TMEM163: variants seen among roughly 807,000 people sequenced by gnomAD.
TMEM163 encodes transmembrane protein 163.
In TMEM163, 17 loss-of-function variants were observed where a neutral mutation model predicts 29.3. The observed-to-expected ratio is 0.58, with a 90% CI of 0.40 to 0.87. TMEM163 has a LOEUF of 0.87. TMEM163 is among the 40% of genes least tolerant of loss of function. The pLI, the probability that TMEM163 is intolerant of heterozygous loss-of-function variation, is 0.00. For missense variants in TMEM163, 303 were observed against 381.5 expected, an observed-to-expected ratio of 0.79 and a Z score of 1.71; for synonymous variants, 157 against 160.6, an observed-to-expected ratio of 0.98 and a Z score of 0.17.
Position 134,550,668 on chromosome 2 carries a change from G to A in TMEM163, c.367-7C>T, listed in dbSNP as rs1339153640. 2 of 1,613,902 alleles carry A rather than the reference G, an allele frequency of 1.2e-6. No homozygotes were observed. The highest frequency in any genetic ancestry group is 1.1e-5 in the South Asian group (1 of 91,084). On this transcript the variant is annotated splice_region_variant and splice_polypyrimidine_tract_variant and intron_variant, in intron 3 of 7. Transcript: ENST00000281924. ...CGTCCAGGATGGCATCAAACTAGGAGAAGGAGACATGGCATTAGAGGCTTT... is the reference window on the plus strand; with the variant it reads ...CGTCCAGGATGGCATCAAACTAGGAAAAGGAGACATGGCATTAGAGGCTTT...
At chr2:134,681,058 G>A (rs1684219857) in intron 2 of TMEM163, among the ~76,000 whole-genome samples, 1 of 152,206 alleles carries the variant, frequency 6.6e-6, no homozygotes, top group Non-Finnish European at 1.5e-5. Flanking sequence ...TCAACTGCCT[G>A]AGATTCTTGG....
At chr2:134,718,598 C>T (rs1403273313) in intron 1 of TMEM163, 136 bp downstream of exon 1, 1 of 589,014 alleles carries the variant, frequency 1.7e-6, no homozygotes, top group African/African-American at 2.0e-5. Flanking sequence ...TAGCGGCGTT[C>T]TCGCCGGGAA....
At chr2:134,489,611 A>G (rs1336242575) in intron 5 of TMEM163, among the ~76,000 whole-genome samples, 1 of 152,152 alleles carries the variant, frequency 6.6e-6, no homozygotes, top group African/African-American at 2.4e-5. Flanking sequence ...GTTATGTGCA[A>G]TATCCATCCA....
intron 2 of TMEM163, among the ~76,000 whole-genome samples, chr2:134,671,516 T>C (rs370117686): frequency 1.3e-5 from 2 of 152,208 alleles, no homozygotes; most frequent in African/African-American, 4.8e-5. Context: ...CCTCTGCACA[T>C]GGCTGCTGCT....
rs74555626 is a variant in TMEM163, at chr2:134,694,363, G to C, written c.322+18837C>G. Among the ~76,000 whole-genome samples, 109 of 152,250 alleles carry C rather than the reference G, an allele frequency of 7.2e-4. 2 individuals carry two copies. In the East Asian group the frequency reaches 0.015, roughly 21 times the overall value. On this transcript the variant is annotated intron_variant, in intron 2 of 7. Coordinates refer to ENST00000281924, the MANE Select transcript of TMEM163 (RefSeq NM_030923.5). Reference sequence around the variant, plus strand: ...AGAACTATTGGAATTGACCTAAAGAGGGTAACGAATCTCTAATGATGGCAT... The same window carrying C: ...AGAACTATTGGAATTGACCTAAAGACGGTAACGAATCTCTAATGATGGCAT...
chr2:134,510,352 T>C (rs1679919541), intron 4 of TMEM163, among the ~76,000 whole-genome samples: 2 of 152,086 alleles, frequency 1.3e-5, no homozygotes, highest in African/African-American at 2.4e-5. Context: ...GGGGAAACCT[T>C]TGTGGTGACA....
chr2:134,588,061 T>C (rs1681859769), intron 2 of TMEM163, among the ~76,000 whole-genome samples: 1 of 152,230 alleles, frequency 6.6e-6, no homozygotes. Flanking sequence ...AACATCTCCA[T>C]AAGCCAAAGT....
chr2:134,596,985 G>T (rs1682100751), intron 2 of TMEM163, among the ~76,000 whole-genome samples: 1 of 152,214 alleles, frequency 6.6e-6, no homozygotes, highest in South Asian at 2.1e-4. Flanking sequence ...CTTTGCTGAA[G>T]TTGCTTATCA....
intron 2 of TMEM163, among the ~76,000 whole-genome samples, chr2:134,552,769 C>A (rs1680962057): frequency 6.9e-6 from 1 of 144,420 alleles, no homozygotes; most frequent in African/African-American, 2.6e-5. Flanking sequence ...TCAAGTGATT[C>A]TCCTGCCTCA....
In TMEM163 at chr2:134,466,318, G is replaced by A. The variant is rs907488012; in HGVS notation, c.556-93C>T. On this transcript the variant is annotated intron_variant, in intron 5 of 7. Transcript: ENST00000281924. The stretch of plus-strand genomic sequence containing the variant: ...GCCTTACAGATCAGCCTTGTTCCAA[G>A]TACAAATAGTCAGGTGTGCTGCCAC... 2.2e-5 allele frequency: 23 copies of A among 1,027,708 alleles called. No homozygotes were observed. The East Asian group carries it at 2.6e-4, about 11-fold the overall frequency. 63.7% of individuals were successfully genotyped at this position (1,027,708 alleles called of 1,614,324 possible).
Position 134,493,362 on chromosome 2 carries a change from C to CTTTTTTTTTTTTTTTT in TMEM163, c.555+9523_555+9538dup, listed in dbSNP as rs1159013721. On this transcript the variant is annotated intron_variant, in intron 5 of 7. Transcript: ENST00000281924. Reference sequence around the variant, plus strand: ...GACTTATGGTTCAAGCTTTTGGTGTCTTTTTTTTTTTTTTTTTTTTTTTTT... The same window carrying CTTTTTTTTTTTTTTTT: ...GACTTATGGTTCAAGCTTTTGGTGTCTTTTTTTTTTTTTTTTTTTTTTTTTTTTTTTTTTTTTTTTT... 1.2e-4 allele frequency among the ~76,000 whole-genome samples: 6 copies of CTTTTTTTTTTTTTTTT among 49,826 alleles called. 3 individuals carry two copies. Among genetic ancestry groups the CTTTTTTTTTTTTTTTT allele is most frequent in the African/African-American group, 3.6e-4 (4 of 11,208 alleles). 32.7% of individuals were successfully genotyped at this position (49,826 alleles called of 152,430 possible). A position where few individuals can be genotyped will look rare whatever the true frequency, so the allele number is the denominator to read the frequency against.
At chr2:134,484,196 C>T (rs954007911) in intron 5 of TMEM163, among the ~76,000 whole-genome samples, 4 of 152,190 alleles carry the variant, frequency 2.6e-5, no homozygotes, top group African/African-American at 9.6e-5. Context: ...GGGTTCCAGT[C>T]AGGGTCTGAG....
intron 4 of TMEM163, among the ~76,000 whole-genome samples, chr2:134,549,481 G>A (rs922014031): frequency 1.3e-5 from 2 of 152,166 alleles, no homozygotes; most frequent in African/African-American, 4.8e-5. Context: ...CCGAGTAGGT[G>A]AGCTACAGGC....
chr2:134,588,650 T>C (rs1384106907), intron 2 of TMEM163, among the ~76,000 whole-genome samples: 3 of 152,064 alleles, frequency 2.0e-5, no homozygotes, highest in African/African-American at 7.2e-5. Context: ...AAAGAACAAA[T>C]GCTAGATGGG....
intron 2 of TMEM163, among the ~76,000 whole-genome samples, chr2:134,554,015 T>C (rs757724382): frequency 8.5e-5 from 13 of 152,266 alleles, no homozygotes; most frequent in Non-Finnish European, 1.6e-4. Context: ...TCTTTCCCTT[T>C]ACAACCTGTT....
chr2:134,602,343 C>T lies in TMEM163; in HGVS notation c.323-50252G>A, dbSNP rs142375984. ...CCTGACCATAAACCCTCCCGCATGC[C>T]TGTCCATGATCTTCCCCTTCCTACA... On this transcript the variant is annotated intron_variant, in intron 2 of 7. Coordinates refer to ENST00000281924, the MANE Select transcript of TMEM163 (RefSeq NM_030923.5). 1.9e-4 allele frequency among the ~76,000 whole-genome samples: 29 copies of T among 152,274 alleles called. No individual in the cohort carries two copies. In the East Asian group the frequency reaches 5.2e-3, roughly 27 times the overall value.
chr2:134,713,567 T>G, intron 1 of TMEM163: 1 of 626,752 alleles, frequency 1.6e-6, no homozygotes, highest in Non-Finnish European at 2.9e-6. Context: ...AGCTGTCCTC[T>G]TTCGAAGAAC....
At chr2:134,710,187 C>T (rs921000430) in intron 2 of TMEM163, among the ~76,000 whole-genome samples, 3 of 152,284 alleles carry the variant, frequency 2.0e-5, no homozygotes, top group South Asian at 2.1e-4. Context: ...GTCAAAAGCG[C>T]GTCCTTAACC....
Position 134,618,065 on chromosome 2 carries a change from G to C in TMEM163, c.323-65974C>G, listed in dbSNP as rs139405928. 7.2e-4 allele frequency among the ~76,000 whole-genome samples: 109 copies of C among 152,168 alleles called. 1 individual carries two copies. Among genetic ancestry groups the C allele is most frequent in the African/African-American group, 2.5e-3 (104 of 41,486 alleles). On this transcript the variant is annotated intron_variant, in intron 2 of 7. Transcript: ENST00000281924. ...GGAAGTTGAGGCTGCAGTGAGCCAT[G>C]ATCACATCACTACAGTCCAGCCTGG...
Sources: gnomAD v4.1 joint callset for allele counts (sites outside exome capture counted in the v4.1 genomes callset) on GRCh38, gnomAD v4.1.1 for gene constraint, MANE v1.5 for transcripts, NCBI Gene and HGNC (gene_info 2026-07-23, HGNC 2026-07-21) for gene names.